NHSL2: variants seen among roughly 807,000 people sequenced by gnomAD.
NHSL2 encodes NHS-like protein 2.
Under a neutral mutation model 53.4 loss-of-function variants are expected in NHSL2, and 27 were observed. That is an observed-to-expected ratio of 0.51 (90% CI 0.37 to 0.70). NHSL2 has a LOEUF of 0.70. Ranked by LOEUF, NHSL2 falls within the 30% of genes least tolerant of loss-of-function variation. The pLI is 0.00. For synonymous variants in NHSL2, 408 were observed against 404.1 expected, an observed-to-expected ratio of 1.01 and a Z score of -0.12; for missense variants, 892 against 980.1, an observed-to-expected ratio of 0.91 and a Z score of 1.20.
chrX:72,078,280 AAGACTGGACTTTCCTAAAAACTGGTG>A (rs2041760718), intron 1 of NHSL2, among the ~76,000 whole-genome samples: 1 of 112,174 alleles, frequency 8.9e-6, no homozygotes, highest in African/African-American at 3.2e-5. Flanking sequence ...GCTGGGCTTT[AAGACTGGACTTTCCTAAAAACTGGTG>A]CAATGGTTCT....
At chrX:71,964,033 A>ATATATG (rs2041887827) in intron 1 of NHSL2, among the ~76,000 whole-genome samples, 1 of 49,805 alleles carries the variant, frequency 2.0e-5, no homozygotes, top group African/African-American at 8.6e-5. Flanking sequence ...ATGTGTATAT[A>ATATATG]TATATATATG....
chrX:72,054,784 C>T (rs1279380707), intron 1 of NHSL2, among the ~76,000 whole-genome samples: 2 of 111,444 alleles, frequency 1.8e-5, no homozygotes, highest in African/African-American at 3.3e-5. Flanking sequence ...CCCCAAGTGG[C>T]GAGGATGACA....
At chrX:72,024,918 G>A (rs1049642117) in intron 1 of NHSL2, among the ~76,000 whole-genome samples, 6 of 112,281 alleles carry the variant, frequency 5.3e-5, no homozygotes, top group African/African-American at 1.9e-4. Context: ...ACATTTAGAA[G>A]CATTTTTTGA....
At position 72,130,621 on chromosome X, in the gene NHSL2, A is replaced by ATCT. The variant is rs747152399; in HGVS notation, c.281-1457_281-1455dup. 6.6e-6 allele frequency: 8 copies of ATCT among 1,211,334 alleles called. No individual in the cohort carries two copies. In the Admixed American group the frequency reaches 1.5e-4, roughly 23 times the overall value. ...CTTGGGAACGCGCACTTTTCTTTCT[A>ATCT]TCTCCACACATTCGAGAATCAGCTC... On this transcript the variant is annotated intron_variant, in intron 1 of 7. Coordinates refer to ENST00000633930, the MANE Select transcript of NHSL2 (RefSeq NM_001013627.3).
chrX:72,051,784 C>G (rs755797553), intron 1 of NHSL2, among the ~76,000 whole-genome samples: 1 of 111,570 alleles, frequency 9.0e-6, no homozygotes, highest in Non-Finnish European at 1.9e-5. Flanking sequence ...TTGCGGGTCT[C>G]TCTCCAACAT....
At chrX:72,069,203 GGAAT>G (rs1387004099) in intron 1 of NHSL2, among the ~76,000 whole-genome samples, 1 of 112,139 alleles carries the variant, frequency 8.9e-6, no homozygotes, top group African/African-American at 3.2e-5. Context: ...AGCGGCAGCA[GGAAT>G]GACAGCACTG....
At chrX:71,994,028 C>G (rs1326250400) in intron 1 of NHSL2, among the ~76,000 whole-genome samples, 1 of 111,978 alleles carries the variant, frequency 8.9e-6, no homozygotes, top group African/African-American at 3.3e-5. Context: ...ACATCTAGCT[C>G]CAATGGCATC....
At chrX:71,940,472 G>A (rs759282767) in intron 1 of NHSL2, among the ~76,000 whole-genome samples, 1 of 111,641 alleles carries the variant, frequency 9.0e-6, no homozygotes, top group African/African-American at 3.3e-5. Context: ...ATGCTTCAGT[G>A]CTGATGGAGA....
intron 1 of NHSL2, among the ~76,000 whole-genome samples, chrX:72,115,138 T>C (rs1404613558): frequency 2.7e-5 from 3 of 111,258 alleles, no homozygotes; most frequent in Admixed American, 1.9e-4. Flanking sequence ...TCCAACTCCA[T>C]GTCCCAACTT....
At chrX:72,068,441 G>A (rs941777390) in intron 1 of NHSL2, among the ~76,000 whole-genome samples, 1 of 112,360 alleles carries the variant, frequency 8.9e-6, no homozygotes, top group Admixed American at 9.4e-5. Context: ...GAAATCTGAT[G>A]ACATCAGCAT....
intron 1 of NHSL2, among the ~76,000 whole-genome samples, chrX:71,968,170 T>C (rs753042268): frequency 2.8e-5 from 3 of 109,077 alleles, no homozygotes; most frequent in African/African-American, 1.0e-4. Flanking sequence ...CTAATTTATT[T>C]AATTTTTTGT....
At chrX:72,024,073 T>C (rs1484077198) in intron 1 of NHSL2, among the ~76,000 whole-genome samples, 1 of 111,339 alleles carries the variant, frequency 9.0e-6, no homozygotes, top group Non-Finnish European at 1.9e-5. Flanking sequence ...GACCTTAGGG[T>C]CTCTTTCTGT....
chrX:72,066,656 G>C (rs2042431749), intron 1 of NHSL2, among the ~76,000 whole-genome samples: 1 of 112,142 alleles, frequency 8.9e-6, no homozygotes, highest in South Asian at 3.7e-4. Context: ...CTCTTTTGTT[G>C]TTCTTCCTCC....
intron 1 of NHSL2, among the ~76,000 whole-genome samples, chrX:72,052,087 G>A (rs1384264793): frequency 1.8e-5 from 2 of 112,167 alleles, no homozygotes; most frequent in African/African-American, 3.2e-5. Flanking sequence ...AATGGATCTC[G>A]TTTTCCTTTG....
chrX:72,112,371 A>G (rs1174447055), intron 1 of NHSL2, among the ~76,000 whole-genome samples: 5 of 111,814 alleles, frequency 4.5e-5, no homozygotes, highest in Non-Finnish European at 7.5e-5. Flanking sequence ...CATGCAATTC[A>G]CCTATTTAAT....
chrX:71,980,600 GTGTGTGTA>G (rs2041973979), intron 1 of NHSL2, among the ~76,000 whole-genome samples: 2 of 86,789 alleles, frequency 2.3e-5, no homozygotes, highest in African/African-American at 8.1e-5. Flanking sequence ...GTGTGTGTGT[GTGTGTGTA>G]GTGTGTGTAC....
chrX:71,940,662 GT>G (rs752808396), intron 1 of NHSL2, among the ~76,000 whole-genome samples: 23 of 110,058 alleles, frequency 2.1e-4, no homozygotes, highest in Non-Finnish European at 4.0e-4. Flanking sequence ...GATGTGGTGA[GT>G]GAATGTGCAG....
intron 1 of NHSL2, among the ~76,000 whole-genome samples, chrX:72,059,419 T>A (rs1236269954): frequency 9.0e-6 from 1 of 111,712 alleles, no homozygotes; most frequent in Non-Finnish European, 1.9e-5. Context: ...CCCATTCTCA[T>A]GACATTTAAG....
chrX:72,101,097 A>C (rs1165552961), intron 1 of NHSL2, among the ~76,000 whole-genome samples: 1 of 102,863 alleles, frequency 9.7e-6, no homozygotes, highest in Non-Finnish European at 2.0e-5. Context: ...GGAAATCCCT[A>C]CCACTGTGGT....
Sources: gnomAD v4.1 joint callset for allele counts (sites outside exome capture counted in the v4.1 genomes callset) on GRCh38, gnomAD v4.1.1 for gene constraint, MANE v1.5 for transcripts, NCBI Gene and HGNC (gene_info 2026-07-23, HGNC 2026-07-21) for gene names.